USP1: variants seen among roughly 807,000 people sequenced by gnomAD.
The protein encoded by USP1 is ubiquitin specific peptidase 1.
Under a neutral mutation model 72.2 loss-of-function variants are expected in USP1, and 18 were observed. The observed-to-expected ratio is 0.25, with a 90% CI of 0.17 to 0.37. The LOEUF is 0.37. Ranked by LOEUF, USP1 falls within the 10% of genes least tolerant of loss-of-function variation. The probability of loss-of-function intolerance (pLI) is 1.00; values close to 1 mark genes in which losing one functional copy is unlikely to be tolerated. For synonymous variants in USP1, 354 were observed against 303.7 expected, an observed-to-expected ratio of 1.17 and a Z score of -1.72; for missense variants, 759 against 884.9, an observed-to-expected ratio of 0.86 and a Z score of 1.81.
intron 5 of USP1, among the ~76,000 whole-genome samples, chr1:62,443,962 T>C (rs1645151235): frequency 1.3e-5 from 2 of 152,056 alleles, no homozygotes; most frequent in African/African-American, 2.4e-5. Context: ...TGCTATACCT[T>C]AGTTAAGAGG....
chr1:62,441,918 G>A (rs1427712067), intron 3 of USP1, among the ~76,000 whole-genome samples: 3 of 152,060 alleles, frequency 2.0e-5, no homozygotes, highest in Admixed American at 6.6e-5. Flanking sequence ...TGGAAGTAAC[G>A]TTGGCATTGT....
Position 62,450,235 on chromosome 1 carries a change from T to C in USP1, c.1623-11T>C. The C allele has an allele frequency of 1.3e-6, 2 of 1,585,522 alleles. No homozygotes were observed. The highest frequency in any genetic ancestry group is 4.5e-5 in the East Asian group (2 of 44,472). ...AACTGCAGGAAACCTTTTCTTTTTT[T>C]CCTCCCAAAGGTTTGATTGTTATGG... On this transcript the variant is annotated splice_polypyrimidine_tract_variant and intron_variant, in intron 8 of 8. Coordinates refer to ENST00000339950, the MANE Select transcript of USP1 (RefSeq NM_003368.5).
Position 62,437,213 on chromosome 1 carries a change from G to T in USP1, c.-257G>T. The T allele has an allele frequency of 2.5e-6, 1 of 398,544 alleles. No homozygotes were observed. Among genetic ancestry groups the T allele is most frequent in the Non-Finnish European group, 4.4e-6 (1 of 225,884 alleles). The allele number at this position is 398,544 out of a possible 1,614,324, so 24.7% of individuals were successfully genotyped here. A position where few individuals can be genotyped will look rare whatever the true frequency, so the allele number is the denominator to read the frequency against. On this transcript the variant is annotated 5_prime_UTR_variant, in exon 1 of 9. Transcript: ENST00000339950. ...TGGTGTTGGTGCAAGACGGGAGCGA[G>T]CGGCGGTCGGGGTTCCCGCTCTTGG...
At chr1:62,439,708 C>A in intron 1 of USP1, 91 bp from the exon 2 acceptor site, 1 of 534,480 alleles carries the variant, frequency 1.9e-6, no homozygotes, top group South Asian at 7.6e-5. Context: ...TAATTTGTAC[C>A]ATTCCCTTGG....
Position 62,450,912 on chromosome 1 carries a change from T to C in USP1, c.2289T>C (p.Phe763=). ...TCAAAGTTACTGAAGAGAAGGACTT[T>C]CTGAATTCTCTTTCCCCTTCTACAT... The part of the protein sequence containing the change: ...SEVKVTEEKD[F]LNSLSPSTSP... Residue 763 remains phenylalanine (F), a synonymous_variant, in exon 9 of 9, where the codon TTT becomes TTC. Transcript: ENST00000339950. 6.2e-7 allele frequency: 1 copy of C among 1,613,602 alleles called. No individual in the cohort carries two copies.
rs1645157868 is a variant in USP1, at chr1:62,444,738, G to A, written c.558G>A (p.Arg186=). ...TQPRRLLNTL[R]ELNPMYEGYL... ...ATGAAATGGAAATTTTTATTTATAGGGAACTCAACCCTATGTATGAAGGAT... is the reference window on the plus strand; with the variant it reads ...ATGAAATGGAAATTTTTATTTATAGAGAACTCAACCCTATGTATGAAGGAT... The change falls in exon 6 of 9, where the codon AGG becomes AGA. Residue 186 remains arginine, a splice_region_variant and synonymous_variant. Transcript: ENST00000339950. 13 of 1,526,040 alleles carry A rather than the reference G, an allele frequency of 8.5e-6. No homozygotes were observed. Among genetic ancestry groups the A allele is most frequent in the African/African-American group, 2.8e-5 (2 of 71,126 alleles). The allele number at this position is 1,526,040 out of a possible 1,614,324, so 94.5% of individuals were successfully genotyped here.
intron 2 of USP1, 123 bp downstream of exon 2, chr1:62,440,160 C>CT: frequency 1.2e-6 from 1 of 832,502 alleles, no homozygotes; most frequent in Admixed American, 3.9e-5. Context: ...CAGTGTACTT[C>CT]TTAGTCAAAT....
chr1:62,448,317 A>G, intron 7 of USP1, 148 bp from the exon 8 acceptor site: 1 of 744,696 alleles, frequency 1.3e-6, no homozygotes, highest in Non-Finnish European at 2.2e-6. Context: ...GCACTTATGA[A>G]AGTAGTTTCT....
intron 5 of USP1, among the ~76,000 whole-genome samples, chr1:62,444,435 A>C (rs1645155830): frequency 6.6e-6 from 1 of 152,152 alleles, no homozygotes; most frequent in Admixed American, 6.6e-5. Context: ...GTTATTGTGA[A>C]GATAATGTAT....
chr1:62,443,731 C>G (rs1645149597), intron 5 of USP1, among the ~76,000 whole-genome samples: 1 of 152,124 alleles, frequency 6.6e-6, no homozygotes, highest in South Asian at 2.1e-4. Flanking sequence ...AATTATAGGA[C>G]TATATTCAAA....
At chr1:62,444,146 C>G (rs953667401) in intron 5 of USP1, among the ~76,000 whole-genome samples, 1 of 151,510 alleles carries the variant, frequency 6.6e-6, no homozygotes, top group Non-Finnish European at 1.5e-5. Flanking sequence ...GTAGTCCCAC[C>G]TACTCGGGAG....
chr1:62,447,158 T>G (rs968207621), intron 6 of USP1, among the ~76,000 whole-genome samples, 183 bp from the exon 7 acceptor site: 19 of 152,214 alleles, frequency 1.2e-4, no homozygotes, highest in African/African-American at 4.6e-4. Context: ...GTCAGTTTTA[T>G]CTTTACAGGG....
In USP1 at chr1:62,450,387, A is replaced by C; in HGVS notation, c.1764A>C (p.Thr588=). 6.2e-7 allele frequency: 1 copy of C among 1,614,140 alleles called. No individual in the cohort carries two copies. The highest frequency in any genetic ancestry group is 8.5e-7 in the Non-Finnish European group (1 of 1,180,022). ...LFAVVMHSGI[T]ISSGHYTASV... ...CGGTTGTGATGCATAGTGGCATTACAATTAGTAGTGGGCATTACACTGCTT... is the reference window on the plus strand; with the variant it reads ...CGGTTGTGATGCATAGTGGCATTACCATTAGTAGTGGGCATTACACTGCTT... The change falls in exon 9 of 9, where the codon ACA becomes ACC. Residue 588 remains threonine (T), a synonymous_variant. Coordinates refer to ENST00000339950, the MANE Select transcript of USP1 (RefSeq NM_003368.5).
intron 7 of USP1, 151 bp from the exon 8 acceptor site, chr1:62,448,314 T>C (rs1028699327): frequency 3.7e-5 from 27 of 736,876 alleles, no homozygotes; most frequent in East Asian, 1.1e-4. Flanking sequence ...GATGCACTTA[T>C]GAAAGTAGTT....
chr1:62,450,695 C>T lies in USP1; in HGVS notation c.2072C>T (p.Ala691Val), dbSNP rs1305638905. The T allele has an allele frequency of 6.2e-7, 1 of 1,614,122 alleles. No individual in the cohort carries two copies. The highest frequency in any genetic ancestry group is 2.2e-5 in the East Asian group (1 of 44,862). ...AAAGCCTCTAATCCTGATAAGGTTG[C>T]TAGTACAGCGTTTGCTGAAAATAGA... is the stretch of plus-strand genomic sequence containing the variant. ...YNKASNPDKV[A>V]STAFAENRNS... The change falls in exon 9 of 9, where the codon GCT (alanine) becomes GTT (valine). Residue 691 changes from alanine (A) to valine (V), a missense_variant. Around this residue, in one of 9 missense-constraint regions of USP1, gnomAD observed 159 missense variants for 140.9 expected, o/e 1.13. Coordinates refer to ENST00000339950, the MANE Select transcript of USP1 (RefSeq NM_003368.5).
chr1:62,439,493 TAA>T (rs897095281), intron 1 of USP1, among the ~76,000 whole-genome samples: 1 of 152,246 alleles, frequency 6.6e-6, no homozygotes, highest in African/African-American at 2.4e-5. Context: ...CTTGAAATAA[TAA>T]GTTTTTACTA....
At chr1:62,441,345 A>T (rs1027191746) in intron 2 of USP1, 143 bp from the exon 3 acceptor site, 22 of 1,010,668 alleles carry the variant, frequency 2.2e-5, no homozygotes, top group Admixed American at 7.4e-5. Context: ...TTGAGCCTGT[A>T]TTTCTTAAAA....
intron 4 of USP1, 61 bp downstream of exon 4, chr1:62,442,360 C>T: frequency 3.1e-6 from 4 of 1,275,410 alleles, no homozygotes; most frequent in Non-Finnish European, 4.4e-6. Context: ...TGGAAATTTA[C>T]TTGCCTGGAA....
At chr1:62,450,123 TC>T (rs1645203630) in intron 8 of USP1, 122 bp from the exon 9 acceptor site, 1 of 1,200,994 alleles carries the variant, frequency 8.3e-7, no homozygotes, top group African/African-American at 1.5e-5. Flanking sequence ...ATTCTGCTTT[TC>T]TGATATATGA....
Sources: gnomAD v4.1 joint callset for allele counts (sites outside exome capture counted in the v4.1 genomes callset) on GRCh38, gnomAD v4.1.1 for gene constraint, gnomAD v4.1.1 regional missense constraint, MANE v1.5 for transcripts, NCBI Gene and HGNC (gene_info 2026-07-23, HGNC 2026-07-21) for gene names.